Variants in SACS observed in about 807,000 individuals in gnomAD.
SACS encodes sacsin molecular chaperone.
A neutral mutation model predicts 348.0 loss-of-function variants in SACS; 197 were observed. The ratio of observed to expected loss-of-function variants is 0.57; its 90% confidence interval spans 0.50 to 0.64. The LOEUF (loss-of-function observed/expected upper bound fraction) is 0.64. SACS is among the 30% of genes least tolerant of loss of function. The probability of loss-of-function intolerance (pLI) is 0.00; values close to 1 mark genes in which losing one functional copy is unlikely to be tolerated. For synonymous variants in SACS, 1,985 were observed against 1,910.6 expected (o/e 1.04, Z -1.02); for missense variants, 4,999 against 5,360.8 (o/e 0.93, Z 2.11).
chr13:23,400,067 TTTC>T (rs1257033350), intron 2 of SACS, among the ~76,000 whole-genome samples: 1 of 152,136 alleles, frequency 6.6e-6, no homozygotes, highest in African/African-American at 2.4e-5. Context: ...TTCTTTCCTC[TTTC>T]TTTAACTCTT....
At chr13:23,409,314 C>T (rs1873386028) in intron 2 of SACS, among the ~76,000 whole-genome samples, 1 of 149,542 alleles carries the variant, frequency 6.7e-6, no homozygotes, top group Non-Finnish European at 1.5e-5. Flanking sequence ...CTCGGCCTCC[C>T]AAAGTGCTGG....
At chr13:23,346,025 G>A (rs1593137943) in intron 9 of SACS, among the ~76,000 whole-genome samples, 1 of 149,986 alleles carries the variant, frequency 6.7e-6, no homozygotes, top group Non-Finnish European at 1.5e-5. Context: ...CAGGACGGGG[G>A]TCCCTGCCGT....
In SACS at chr13:23,365,224, A is replaced by G. The variant is rs755837406; in HGVS notation, c.399T>C (p.Tyr133=). The G allele has an allele frequency of 4.3e-6, 7 of 1,612,946 alleles. No homozygotes were observed. The South Asian group carries it at 7.7e-5, about 18-fold the overall frequency. ...DAGATEVKFL[Y]DETQYGTETL... is the part of the protein sequence containing the mutation. ...TCTCTGTTCCGTATTGAGTTTCATC[A>G]TATAAAAATTTAACTTCTGTCGCCC... is the stretch of plus-strand genomic sequence containing the variant. Residue 133 remains tyrosine, a synonymous_variant, in exon 6 of 10, where the codon TAT becomes TAC. Coordinates refer to ENST00000382292, the MANE Select transcript of SACS (RefSeq NM_014363.6).
chr13:23,412,644 C>T (rs1873540365), intron 1 of SACS, among the ~76,000 whole-genome samples: 1 of 152,022 alleles, frequency 6.6e-6, no homozygotes, highest in African/African-American at 2.4e-5. Context: ...GAACTTTTGA[C>T]CTCAAGTGAT....
At chr13:23,401,285 G>C (rs1022918451) in intron 2 of SACS, among the ~76,000 whole-genome samples, 3 of 152,204 alleles carry the variant, frequency 2.0e-5, no homozygotes, top group Non-Finnish European at 4.4e-5. Context: ...CTCTGAGATA[G>C]ATGCATATCT....
At chr13:23,375,688 GC>G (rs2137846556) in intron 2 of SACS, 8 of 510,544 alleles carry the variant, frequency 1.6e-5, no homozygotes, top group Non-Finnish European at 2.0e-5. Flanking sequence ...GCCCATCCAG[GC>G]CCCGCCCAGT....
At chr13:23,427,511 T>C (rs17078743) in intron 1 of SACS, 7,494 of 152,314 alleles carry the variant, frequency 0.049, 289 homozygotes, top group South Asian at 0.17. Context: ...GTACATATGA[T>C]CTCATTTAAG....
At chr13:23,346,827 T>G (rs1364039615) in intron 9 of SACS, 1 of 983,382 alleles carries the variant, frequency 1.0e-6, no homozygotes, top group Non-Finnish European at 1.2e-6. Flanking sequence ...ATCCCCAGAG[T>G]TGTTGTTGTG....
chr13:23,350,803 C>T (rs183684369), intron 9 of SACS, among the ~76,000 whole-genome samples: 1 of 152,262 alleles, frequency 6.6e-6, no homozygotes, highest in East Asian at 1.9e-4. Flanking sequence ...TCACTAATTC[C>T]CCCAATAGGC....
intron 2 of SACS, among the ~76,000 whole-genome samples, chr13:23,394,086 A>C (rs1379082067): frequency 6.6e-6 from 1 of 152,126 alleles, no homozygotes; most frequent in East Asian, 1.9e-4. Flanking sequence ...GATAGCTTCC[A>C]GGTGGGGGCT....
At position 23,332,511 on chromosome 13, in the gene SACS, A is replaced by T; in HGVS notation, c.11365T>A (p.Phe3789Ile). The change falls in exon 10 of 10, where the codon TTT becomes ATT. Residue 3789 changes from phenylalanine (F) to isoleucine (I), a missense_variant. This residue lies in a region of SACS where 831 missense variants were observed against 941.8 expected (regional missense o/e 0.88). Coordinates refer to ENST00000382292, the MANE Select transcript of SACS (RefSeq NM_014363.6). ...FLSAEKREFR[F>I]QLRGVAFVMV... The stretch of plus-strand genomic sequence containing the variant: ...ACAAAAGCAACCCCTCGCAACTGAA[A>T]ACGAAATTCCCTTTTTTCTGCACTG... The T allele has an allele frequency of 1.2e-6, 2 of 1,614,016 alleles. No homozygotes were observed. The highest frequency in any genetic ancestry group is 1.7e-6 in the Non-Finnish European group (2 of 1,179,926).
In SACS at chr13:23,340,113, T is replaced by C. The variant is rs747585765; in HGVS notation, c.3763A>G (p.Ile1255Val). ...AGATGATCATGCATGAATCCGTAAATCTCAAGCAAAATATGCTGGAATTGA... is the reference window on the plus strand; with the variant it reads ...AGATGATCATGCATGAATCCGTAAACCTCAAGCAAAATATGCTGGAATTGA... Reference protein sequence around the residue: ...YYQFQHILLEIYGFMHDHLNE... With the variant: ...YYQFQHILLEVYGFMHDHLNE... Residue 1255 changes from isoleucine (I) to valine (V), a missense_variant, in exon 10 of 10, where the codon ATT (isoleucine) becomes GTT (valine). By Grantham distance (29) the Ile-to-Val change is conservative. Transcript: ENST00000382292. The C allele has an allele frequency of 1.5e-5, 24 of 1,613,756 alleles. No homozygotes were observed. Among genetic ancestry groups the C allele is most frequent in the Non-Finnish European group, 1.9e-5 (22 of 1,179,944 alleles).
At chr13:23,353,738 G>T (rs747827193) in intron 9 of SACS, 47 bp downstream of exon 9, 2 of 1,082,156 alleles carry the variant, frequency 1.8e-6, no homozygotes, top group East Asian at 2.6e-5. Context: ...TAAAAAACTT[G>T]TATTTTTATA....
intron 7 of SACS, 127 bp downstream of exon 7, chr13:23,358,207 TG>T (rs1870513845): frequency 1.1e-6 from 1 of 937,946 alleles, no homozygotes; most frequent in African/African-American, 1.6e-5. Context: ...ACATACCTCC[TG>T]CTACTGACAG....
chr13:23,398,481 C>T (rs1041877927), intron 2 of SACS, among the ~76,000 whole-genome samples: 1 of 150,298 alleles, frequency 6.7e-6, no homozygotes, highest in South Asian at 2.1e-4. Flanking sequence ...TTGCAGTGAG[C>T]CGAGATGGCA....
At position 23,336,267 on chromosome 13, in the gene SACS, T is replaced by C. The variant is rs1868583649; in HGVS notation, c.7609A>G (p.Asn2537Asp). Residue 2537 changes from asparagine (N) to aspartate (D), a missense_variant, in exon 10 of 10, where the codon AAT (asparagine) becomes GAT (aspartate). Physicochemically the swap from Asn to Asp is conservative, Grantham distance 23. This residue lies in a region of SACS where 3,156 missense variants were observed against 3,380.1 expected (regional missense o/e 0.93). Transcript: ENST00000382292. ...KLTSRIKSIL[N>D]AYPSEKEMLK... ...ATTTCCTTTTCAGAAGGATATGCAT[T>C]AAGGATGCTCTTAATTCTGCTGGTC... 1.9e-6 allele frequency: 3 copies of C among 1,614,096 alleles called. No individual in the cohort carries two copies. The highest frequency in any genetic ancestry group is 2.5e-6 in the Non-Finnish European group (3 of 1,179,956).
chr13:23,364,010 G>A (rs1452908484), intron 6 of SACS, among the ~76,000 whole-genome samples: 1 of 152,104 alleles, frequency 6.6e-6, no homozygotes, highest in Admixed American at 6.5e-5. Flanking sequence ...GTGATGACTG[G>A]CCCAAGTCAC....
chr13:23,417,372 T>C (rs1220785887), intron 1 of SACS, among the ~76,000 whole-genome samples: 2 of 152,182 alleles, frequency 1.3e-5, no homozygotes, highest in Non-Finnish European at 2.9e-5. Flanking sequence ...GAGGGAAGAC[T>C]TGCTCTAGAA....
intron 1 of SACS, among the ~76,000 whole-genome samples, chr13:23,423,646 A>G (rs1593184643): frequency 6.6e-6 from 1 of 152,346 alleles, no homozygotes; most frequent in African/African-American, 2.4e-5. Flanking sequence ...GTGCTTTATT[A>G]TATCGCTGAA....
Sources: allele counts gnomAD v4.1 joint callset (sites outside exome capture counted in the v4.1 genomes callset), GRCh38; gene constraint gnomAD v4.1.1; regional missense constraint gnomAD v4.1.1; transcripts MANE v1.5; gene names NCBI Gene and HGNC (gene_info 2026-07-23, HGNC 2026-07-21).